The following TBCEL variants were observed in gnomAD, a reference collection of about 807,000 sequenced individuals.
The protein encoded by TBCEL is tubulin-specific chaperone cofactor E-like protein.
Under a neutral mutation model 44.2 loss-of-function variants are expected in TBCEL, and 15 were observed. The ratio of observed to expected loss-of-function variants is 0.34; its 90% CI spans 0.23 to 0.52. The LOEUF (loss-of-function observed/expected upper bound fraction) is 0.52. Ranked by LOEUF, TBCEL falls within the 20% of genes least tolerant of loss-of-function variation. TBCEL has a pLI of 0.95. For synonymous variants in TBCEL, 171 were observed against 185.4 expected (o/e 0.92, Z 0.63); for missense variants, 319 against 506.3 (o/e 0.63, Z 3.55).
chr11:121,079,396 T>C lies in TBCEL; in HGVS notation c.957-7382T>C, dbSNP rs184557170. Among the ~76,000 whole-genome samples, 790 of 152,336 alleles carry C rather than the reference T, an allele frequency of 5.2e-3. 5 individuals are homozygous for C. Among genetic ancestry groups the C allele is most frequent in the African/African-American group, 0.017 (726 of 41,578 alleles). On this transcript the variant is annotated intron_variant, in intron 8 of 8. Coordinates refer to ENST00000683345, the MANE Select transcript of TBCEL (RefSeq NM_001363644.2). Reference sequence around the variant, plus strand: ...AATGAGAAAATAATTTCTAGAACAGTATTTATTATTGCAGCAAACCACTAA... The same window carrying C: ...AATGAGAAAATAATTTCTAGAACAGCATTTATTATTGCAGCAAACCACTAA...
At chr11:121,041,173 C>T (rs527568194) in intron 2 of TBCEL, among the ~76,000 whole-genome samples, 4 of 152,200 alleles carry the variant, frequency 2.6e-5, no homozygotes, top group South Asian at 4.1e-4. Flanking sequence ...TCAGACATGG[C>T]GTACTTTCTG....
intron 8 of TBCEL, among the ~76,000 whole-genome samples, chr11:121,082,331 A>T (rs1398163378): frequency 6.6e-6 from 1 of 152,166 alleles, no homozygotes; most frequent in Non-Finnish European, 1.5e-5. Context: ...TGGTGGCAGA[A>T]TTCTCTTCTT....
intron 1 of TBCEL, among the ~76,000 whole-genome samples, chr11:121,025,716 A>T (rs1195269607): frequency 6.9e-6 from 1 of 144,494 alleles, no homozygotes; most frequent in Non-Finnish European, 1.5e-5. Context: ...AAGGAGATGG[A>T]TTTTTTTTTT....
At chr11:121,033,764 C>G (rs1945183144) in intron 1 of TBCEL, among the ~76,000 whole-genome samples, 1 of 152,130 alleles carries the variant, frequency 6.6e-6, no homozygotes, top group African/African-American at 2.4e-5. Flanking sequence ...AGAATTTCTT[C>G]TTTTTCCAAA....
At position 121,025,253 on chromosome 11, in the gene TBCEL, T is replaced by C. The variant is rs12273066; in HGVS notation, c.-126+962T>C. Among the ~76,000 whole-genome samples the C allele has an allele frequency of 8.0e-3, 1,225 of 152,278 alleles. 18 individuals are homozygous for C. Among genetic ancestry groups the C allele is most frequent in the African/African-American group, 0.028 (1,170 of 41,546 alleles). On this transcript the variant is annotated intron_variant, in intron 1 of 8. Coordinates refer to ENST00000683345, the MANE Select transcript of TBCEL (RefSeq NM_001363644.2). Reference sequence around the variant, plus strand: ...ACAGGCTGAGCTGGGGCTTGTCCCTTGTTCATGTCATGCTGCTGTGGAGCT... The same window carrying C: ...ACAGGCTGAGCTGGGGCTTGTCCCTCGTTCATGTCATGCTGCTGTGGAGCT...
chr11:121,048,200 A>G (rs576473650), intron 4 of TBCEL, among the ~76,000 whole-genome samples: 2 of 151,996 alleles, frequency 1.3e-5, no homozygotes, highest in East Asian at 3.9e-4. Flanking sequence ...AATATTTATT[A>G]CTGAAAATTG....
intron 3 of TBCEL, among the ~76,000 whole-genome samples, chr11:121,046,600 G>A (rs999207958): frequency 2.6e-5 from 4 of 151,406 alleles, no homozygotes; most frequent in African/African-American, 7.3e-5. Flanking sequence ...TTTTTTTTCC[G>A]GGATCCATTC....
intron 5 of TBCEL, among the ~76,000 whole-genome samples, chr11:121,053,989 T>A (rs1292023923): frequency 6.6e-6 from 1 of 151,736 alleles, no homozygotes; most frequent in Non-Finnish European, 1.5e-5. Context: ...GAGAAGCACT[T>A]ATCACTCTAA....
At chr11:121,040,586 A>G (rs904335135) in intron 2 of TBCEL, among the ~76,000 whole-genome samples, 1 of 151,794 alleles carries the variant, frequency 6.6e-6, no homozygotes, top group African/African-American at 2.4e-5. Context: ...AAAATTATCT[A>G]TTTCTATTTT....
chr11:121,077,183 T>A (rs1158549097), intron 8 of TBCEL, among the ~76,000 whole-genome samples: 2 of 152,052 alleles, frequency 1.3e-5, no homozygotes, highest in African/African-American at 4.8e-5. Context: ...TTCCTTTTTT[T>A]CTGGAAGAGT....
intron 8 of TBCEL, among the ~76,000 whole-genome samples, chr11:121,063,586 A>G (rs1945764484): frequency 6.6e-6 from 1 of 152,210 alleles, no homozygotes; most frequent in East Asian, 1.9e-4. Flanking sequence ...AAAATAGAGA[A>G]GAAAGAAAAG....
chr11:121,076,608 G>A (rs1488177584), intron 8 of TBCEL, among the ~76,000 whole-genome samples: 1 of 151,944 alleles, frequency 6.6e-6, no homozygotes, highest in Non-Finnish European at 1.5e-5. Context: ...ACTTAGCACA[G>A]TGTATGTCTT....
intron 5 of TBCEL, among the ~76,000 whole-genome samples, chr11:121,054,352 T>A (rs1945582076): frequency 6.6e-6 from 1 of 151,884 alleles, no homozygotes; most frequent in Non-Finnish European, 1.5e-5. Context: ...ACTCTTCATC[T>A]TATTCCGTCT....
intron 8 of TBCEL, among the ~76,000 whole-genome samples, chr11:121,073,580 CCT>C (rs1305949770): frequency 6.6e-6 from 1 of 151,412 alleles, no homozygotes; most frequent in African/African-American, 2.4e-5. Flanking sequence ...AATTTTTATA[CCT>C]CTTTTTTTTC....
chr11:121,041,991 T>C (rs189251109), intron 2 of TBCEL, among the ~76,000 whole-genome samples: 53 of 152,236 alleles, frequency 3.5e-4, no homozygotes, highest in Non-Finnish European at 1.5e-4. Context: ...AGGAAAAGCT[T>C]TTAAGTTCCC....
At chr11:121,051,514 G>A (rs139346908) in intron 4 of TBCEL, among the ~76,000 whole-genome samples, 4 of 151,604 alleles carry the variant, frequency 2.6e-5, no homozygotes, top group Admixed American at 6.6e-5. Flanking sequence ...AAAGTTCTTC[G>A]TATCGGTATT....
At chr11:121,053,431 G>T (rs778744057) in intron 4 of TBCEL, 120 bp from the exon 5 acceptor site, 3 of 804,100 alleles carry the variant, frequency 3.7e-6, no homozygotes, top group Non-Finnish European at 6.0e-6. Flanking sequence ...TAAATAATAG[G>T]ACTCCTTGAT....
chr11:121,028,284 C>T (rs1256419175), intron 1 of TBCEL, among the ~76,000 whole-genome samples: 1 of 152,170 alleles, frequency 6.6e-6, no homozygotes, highest in East Asian at 1.9e-4. Flanking sequence ...ATCAGAATCT[C>T]TGGTGGAATC....
chr11:121,033,254 CTT>C (rs936953690), intron 1 of TBCEL, among the ~76,000 whole-genome samples: 6 of 152,194 alleles, frequency 3.9e-5, no homozygotes, highest in African/African-American at 1.4e-4. Context: ...ACTATTAAAA[CTT>C]TTATTATATG....
Sources: gnomAD v4.1 joint callset for allele counts (sites outside exome capture counted in the v4.1 genomes callset) on GRCh38, gnomAD v4.1.1 for gene constraint, MANE v1.5 for transcripts, NCBI Gene and HGNC (gene_info 2026-07-23, HGNC 2026-07-21) for gene names.